Variants in AFG2A observed in about 807,000 individuals in gnomAD.
The protein encoded by AFG2A is AAA ATPase AFG2A.
chr4:123,201,793 A>G, the AFG2A span, among the ~76,000 whole-genome samples: 1 of 152,068 alleles, frequency 6.6e-6, no homozygotes, highest in Non-Finnish European at 1.5e-5. Context: ...ATGGTGGCAT[A>G]TGCCTGTAAT....
the AFG2A span, among the ~76,000 whole-genome samples, chr4:123,257,610 C>CT: frequency 6.6e-6 from 1 of 152,164 alleles, no homozygotes; most frequent in Admixed American, 6.5e-5. Flanking sequence ...AAACAGTGAT[C>CT]TTTATGACCA....
At chr4:122,936,656 G>A in the AFG2A span, among the ~76,000 whole-genome samples, 91 of 152,170 alleles carry the variant, frequency 6.0e-4, 3 homozygotes, top group Admixed American at 3.9e-3. Flanking sequence ...ACCAGCCTGG[G>A]CAACATAGTG....
the AFG2A span, among the ~76,000 whole-genome samples, chr4:123,035,718 C>G: frequency 1.3e-5 from 2 of 151,414 alleles, no homozygotes; most frequent in Non-Finnish European, 1.5e-5. Context: ...GTTGATAAAG[C>G]TGATATATAA....
At chr4:122,997,850 G>A in the AFG2A span, among the ~76,000 whole-genome samples, 1 of 152,058 alleles carries the variant, frequency 6.6e-6, no homozygotes, top group African/African-American at 2.4e-5. Context: ...TGGGTGTAAA[G>A]TATTATCTCA....
the AFG2A span, among the ~76,000 whole-genome samples, chr4:123,293,635 C>T: frequency 2.0e-5 from 3 of 152,180 alleles, no homozygotes; most frequent in Non-Finnish European, 4.4e-5. Flanking sequence ...CCTATGTGCA[C>T]GAATATGGCA....
the AFG2A span, among the ~76,000 whole-genome samples, chr4:123,125,172 A>T: frequency 2.6e-5 from 4 of 152,308 alleles, no homozygotes; most frequent in African/African-American, 9.6e-5. Flanking sequence ...GAAAAATGAG[A>T]AGTCGTGTCT....
At chr4:122,923,434 A>T in the AFG2A span, 4 of 1,259,794 alleles carry the variant, frequency 3.2e-6, no homozygotes, top group Non-Finnish European at 4.4e-6. Flanking sequence ...AGAGCGGCAC[A>T]GAAGCGTGTA....
chr4:123,127,527 G>A, the AFG2A span, among the ~76,000 whole-genome samples: 1,125 of 152,130 alleles, frequency 7.4e-3, 4 homozygotes, highest in Non-Finnish European at 0.011. Context: ...TTGTATTACT[G>A]TTTAGCCACG....
chr4:122,947,491 G>A, the AFG2A span: 1 of 1,605,680 alleles, frequency 6.2e-7, no homozygotes, highest in Admixed American at 1.7e-5. Flanking sequence ...TGAAGCAGGT[G>A]AGTGTGGTTT....
At chr4:123,290,607 G>C in the AFG2A span, among the ~76,000 whole-genome samples, 1 of 152,174 alleles carries the variant, frequency 6.6e-6, no homozygotes, top group Admixed American at 6.5e-5. Context: ...TGGCTGAGGA[G>C]GCCTCACAAT....
chr4:122,938,416 A>G, the AFG2A span, among the ~76,000 whole-genome samples: 4 of 152,214 alleles, frequency 2.6e-5, no homozygotes, highest in Non-Finnish European at 5.9e-5. Context: ...GCTTTAGTAG[A>G]TTACTTAGTA....
the AFG2A span, among the ~76,000 whole-genome samples, chr4:122,989,881 G>A: frequency 5.3e-5 from 8 of 152,088 alleles, no homozygotes; most frequent in Admixed American, 2.6e-4. Context: ...TTTTTGAGAC[G>A]AAATCTCTCT....
At chr4:123,036,663 G>C in the AFG2A span, among the ~76,000 whole-genome samples, 1 of 152,076 alleles carries the variant, frequency 6.6e-6, no homozygotes, top group African/African-American at 2.4e-5. Context: ...TTTACAACTT[G>C]CCTAATTGTA....
At chr4:123,273,528 TG>T in the AFG2A span, among the ~76,000 whole-genome samples, 1 of 152,142 alleles carries the variant, frequency 6.6e-6, no homozygotes, top group Non-Finnish European at 1.5e-5. Flanking sequence ...TTTTTTAAAT[TG>T]TAAATTAATA....
At chr4:123,255,500 G>GA in the AFG2A span, among the ~76,000 whole-genome samples, 78,141 of 139,836 alleles carry the variant, frequency 0.56, 23,883 homozygotes, top group Non-Finnish European at 0.68. Context: ...GTCTCAAAAA[G>GA]AAAAAAAAAA....
the AFG2A span, among the ~76,000 whole-genome samples, chr4:123,250,053 A>G: frequency 6.6e-6 from 1 of 152,180 alleles, no homozygotes. Context: ...CTATATACAC[A>G]TACACACCCT....
chr4:123,247,434 T>A, the AFG2A span, among the ~76,000 whole-genome samples: 1 of 152,100 alleles, frequency 6.6e-6, no homozygotes, highest in Non-Finnish European at 1.5e-5. Flanking sequence ...GTAATTGATC[T>A]TTTGTTTTGA....
chr4:122,930,825 A>T, the AFG2A span, among the ~76,000 whole-genome samples: 7 of 152,220 alleles, frequency 4.6e-5, no homozygotes, highest in Non-Finnish European at 1.0e-4. Flanking sequence ...AGACCTCTTG[A>T]GCGCACAGCA....
chr4:123,125,561 T>G, the AFG2A span, among the ~76,000 whole-genome samples: 1 of 152,294 alleles, frequency 6.6e-6, no homozygotes, highest in African/African-American at 2.4e-5. Context: ...AAGTCACCAG[T>G]GACTACTGAA....
Sources: gnomAD v4.1 joint callset for allele counts (sites outside exome capture counted in the v4.1 genomes callset) on GRCh38, gnomAD v4.1.1 for gene constraint, MANE v1.5 for transcripts, NCBI Gene and HGNC (gene_info 2026-07-23, HGNC 2026-07-21) for gene names.